The following CNTNAP2 variants were observed in gnomAD, a reference collection of about 807,000 sequenced individuals.
CNTNAP2 encodes contactin associated protein 2.
Under a neutral mutation model 155.2 loss-of-function variants are expected in CNTNAP2, and 98 were observed. That is an observed-to-expected ratio of 0.63 (90% CI 0.54 to 0.75). CNTNAP2 has a LOEUF of 0.75. Ranked by LOEUF, CNTNAP2 falls within the 30% of genes least tolerant of loss-of-function variation. CNTNAP2 has a pLI of 0.00. For synonymous variants in CNTNAP2, 651 were observed against 631.2 expected (o/e 1.03, Z -0.47); for missense variants, 1,727 against 1,688.1 (o/e 1.02, Z -0.40).
chr7:148,106,519 T>TATATATATATATATATAC (rs1491129840), intron 15 of CNTNAP2, among the ~76,000 whole-genome samples: 14 of 130,878 alleles, frequency 1.1e-4, no homozygotes, highest in African/African-American at 3.8e-4. Flanking sequence ...TATATATATA[T>TATATATATATATATATAC]ACATATTTTT....
intron 11 of CNTNAP2, among the ~76,000 whole-genome samples, chr7:147,522,733 T>C (rs1019739589): frequency 2.7e-5 from 4 of 145,842 alleles, no homozygotes; most frequent in African/African-American, 1.0e-4. Context: ...GCTGATGCTG[T>C]GCCCATACTC....
chr7:148,226,112 T>C (rs1795843934), intron 19 of CNTNAP2, among the ~76,000 whole-genome samples: 1 of 152,216 alleles, frequency 6.6e-6, no homozygotes, highest in Non-Finnish European at 1.5e-5. Context: ...TATTCATTAA[T>C]TTTCAAATGA....
intron 8 of CNTNAP2, among the ~76,000 whole-genome samples, chr7:147,160,892 G>C (rs1315542939): frequency 1.3e-5 from 2 of 152,156 alleles, no homozygotes; most frequent in Non-Finnish European, 2.9e-5. Flanking sequence ...AGTAACTAGA[G>C]AGGCTGATCC....
chr7:146,273,819 C>T lies in CNTNAP2; in HGVS notation c.97+156846C>T, dbSNP rs1018429965. ...CTTAAAACCTCTGAGCCCTAGTTTCCTTCTTCGTAAAACAAGGCGATGACC... is the reference window on the plus strand; with the variant it reads ...CTTAAAACCTCTGAGCCCTAGTTTCTTTCTTCGTAAAACAAGGCGATGACC... On this transcript the variant is annotated intron_variant, in intron 1 of 23. Transcript: ENST00000361727. Among the ~76,000 whole-genome samples the T allele has an allele frequency of 4.6e-5, 7 of 152,196 alleles. No individual in the cohort carries two copies. In the South Asian group the frequency reaches 1.5e-3, roughly 32 times the overall value.
chr7:147,625,064 G>A (rs748296966), intron 12 of CNTNAP2, among the ~76,000 whole-genome samples: 3 of 152,096 alleles, frequency 2.0e-5, no homozygotes, highest in Non-Finnish European at 4.4e-5. Flanking sequence ...CAAAACAATT[G>A]AACTCATGGA....
intron 1 of CNTNAP2, among the ~76,000 whole-genome samples, chr7:146,251,094 A>G (rs1009616545): frequency 6.6e-6 from 1 of 152,220 alleles, no homozygotes; most frequent in South Asian, 2.1e-4. Context: ...ATCAGATATT[A>G]TATCTAGTTT....
chr7:146,269,180 A>G (rs528234502), intron 1 of CNTNAP2, among the ~76,000 whole-genome samples: 1 of 152,138 alleles, frequency 6.6e-6, no homozygotes, highest in Admixed American at 6.5e-5. Flanking sequence ...TCTCTACTAA[A>G]ATACAAAAAA....
In CNTNAP2 at chr7:147,864,192, C is replaced by T. The variant is rs193223028; in HGVS notation, c.2099-39373C>T. Among the ~76,000 whole-genome samples the T allele has an allele frequency of 5.6e-3, 854 of 152,226 alleles. 1 individual carries two copies. Among genetic ancestry groups the T allele is most frequent in the Admixed American group, 9.4e-3 (143 of 15,284 alleles). The stretch of plus-strand genomic sequence containing the variant: ...CCATTTATTAAATAGGGAATCCTTT[C>T]CCCATTTCTTGTTTTTGTCAGGTTT... On this transcript the variant is annotated intron_variant, in intron 13 of 23. Coordinates refer to ENST00000361727, the MANE Select transcript of CNTNAP2 (RefSeq NM_014141.6).
chr7:147,930,947 A>C (rs1314772554), intron 14 of CNTNAP2, among the ~76,000 whole-genome samples: 1 of 152,240 alleles, frequency 6.6e-6, no homozygotes. Flanking sequence ...AACAATGAAT[A>C]GGTCAAATAA....
chr7:146,634,473 G>A (rs1799565215), intron 1 of CNTNAP2, among the ~76,000 whole-genome samples: 1 of 152,072 alleles, frequency 6.6e-6, no homozygotes, highest in Non-Finnish European at 1.5e-5. Context: ...AACATCAATA[G>A]AGAGATTTTT....
At chr7:148,037,941 T>G (rs562978307) in intron 15 of CNTNAP2, among the ~76,000 whole-genome samples, 2 of 152,300 alleles carry the variant, frequency 1.3e-5, no homozygotes, top group South Asian at 4.1e-4. Context: ...GAGGAGTATC[T>G]TTTAGGATTT....
At chr7:146,524,284 G>C (rs1030797889) in intron 1 of CNTNAP2, among the ~76,000 whole-genome samples, 1 of 151,944 alleles carries the variant, frequency 6.6e-6, no homozygotes, top group Non-Finnish European at 1.5e-5. Context: ...ACCTCAAGTC[G>C]TACCAGAGAG....
intron 12 of CNTNAP2, among the ~76,000 whole-genome samples, chr7:147,591,835 G>A (rs533007161): frequency 5.4e-4 from 82 of 151,880 alleles, no homozygotes; most frequent in African/African-American, 1.6e-3. Context: ...AAACTCTCAT[G>A]CTGTCAGCTA....
intron 1 of CNTNAP2, among the ~76,000 whole-genome samples, chr7:146,687,170 C>G (rs1057089314): frequency 6.6e-6 from 1 of 152,128 alleles, no homozygotes; most frequent in Non-Finnish European, 1.5e-5. Context: ...GCCTAGCTCT[C>G]TAAAGCCACA....
intron 1 of CNTNAP2, among the ~76,000 whole-genome samples, chr7:146,529,375 T>C (rs1797735760): frequency 6.6e-6 from 1 of 152,166 alleles, no homozygotes; most frequent in South Asian, 2.1e-4. Flanking sequence ...AGTCTCTGTG[T>C]CCAGAGCAGG....
At chr7:146,343,705 T>A (rs1434711915) in intron 1 of CNTNAP2, among the ~76,000 whole-genome samples, 1 of 152,192 alleles carries the variant, frequency 6.6e-6, no homozygotes, top group Non-Finnish European at 1.5e-5. Flanking sequence ...TTTAGAATTT[T>A]TAAATTATCA....
chr7:147,724,088 A>C (rs187727657), intron 13 of CNTNAP2, among the ~76,000 whole-genome samples: 155 of 152,032 alleles, frequency 1.0e-3, no homozygotes, highest in African/African-American at 2.9e-3. Context: ...TAATCATCAT[A>C]ATAATAATAA....
intron 1 of CNTNAP2, among the ~76,000 whole-genome samples, chr7:146,654,729 A>G (rs1222816563): frequency 6.6e-6 from 1 of 152,106 alleles, no homozygotes; most frequent in East Asian, 1.9e-4. Context: ...ATAAGAAATA[A>G]TGTCTTTGGC....
chr7:146,205,284 A>C (rs535692551), intron 1 of CNTNAP2, among the ~76,000 whole-genome samples: 1 of 152,126 alleles, frequency 6.6e-6, no homozygotes, highest in South Asian at 2.1e-4. Flanking sequence ...GTCTTTACAT[A>C]ATTAATGATA....
Sources: gnomAD v4.1 joint callset for allele counts (sites outside exome capture counted in the v4.1 genomes callset) on GRCh38, gnomAD v4.1.1 for gene constraint, MANE v1.5 for transcripts, NCBI Gene and HGNC (gene_info 2026-07-23, HGNC 2026-07-21) for gene names.